Variants in NF2 observed in about 807,000 individuals in gnomAD.
The protein encoded by NF2 is merlin.
Under a neutral mutation model 83.7 loss-of-function variants are expected in NF2, and 8 were observed. The observed-to-expected ratio is 0.10, with a 90% CI of 0.06 to 0.17. The LOEUF is 0.17. NF2 is among the 10% of genes least tolerant of loss of function. NF2 has a pLI of 1.00. For missense variants in NF2, 533 were observed against 744.4 expected (o/e 0.72, Z 3.31); for synonymous variants, 266 against 269.6 (o/e 0.99, Z 0.13).
Position 29,668,418 on chromosome 22 carries a change from A to C in NF2, c.971A>C (p.Gln324Pro). The part of the protein sequence containing the change: ...DSLEVQQMKA[Q>P]AREEKARKQM... ...TTGGAAGTTCAGCAGATGAAAGCCC[A>C]GGCCAGGGAGGAGAAGGCTAGAAAG... is the stretch of plus-strand genomic sequence containing the variant. The change falls in exon 10 of 16, where the codon CAG (glutamine) becomes CCG (proline). Residue 324 changes from glutamine (Q) to proline (P), a missense_variant. Physicochemically the swap from Gln to Pro is moderately conservative, Grantham distance 76. Coordinates refer to ENST00000338641, the MANE Select transcript of NF2 (RefSeq NM_000268.4). The C allele has an allele frequency of 6.2e-7, 1 of 1,613,890 alleles. No homozygotes were observed.
In NF2 at chr22:29,674,878, A is replaced by C. The variant is rs2147092772; in HGVS notation, c.1383A>C (p.Ala461=). 1.3e-6 allele frequency: 2 copies of C among 1,572,300 alleles called. No homozygotes were observed. Among genetic ancestry groups the C allele is most frequent in the Non-Finnish European group, 1.7e-6 (2 of 1,157,934 alleles). The part of the protein sequence containing the change: ...ADQLKQDLQE[A]REAERRAKQK... The stretch of plus-strand genomic sequence containing the variant: ...AGCTGAAGCAGGACCTGCAGGAAGC[A>C]CGCGAGGCGGAGCGAAGAGCCAAGC... The change falls in exon 13 of 16, where the codon GCA becomes GCC. Residue 461 remains alanine (A), a synonymous_variant. Transcript: ENST00000338641.
At position 29,697,404 on chromosome 22, in the gene NF2, T is replaced by G. The variant is rs938746365; in HGVS notation, c.*2602T>G. On this transcript the variant is annotated 3_prime_UTR_variant, in exon 16 of 16. Coordinates refer to ENST00000338641, the MANE Select transcript of NF2 (RefSeq NM_000268.4). ...AGGACCTTGCTCAGCCAGGAGCACT[T>G]CCCCCTCCTTGAGGCAGGAATACTG... The G allele has an allele frequency of 2.6e-5, 5 of 191,848 alleles. No individual in the cohort carries two copies. Among genetic ancestry groups the G allele is most frequent in the African/African-American group, 1.2e-4 (5 of 42,900 alleles). 11.9% of individuals were successfully genotyped at this position (191,848 alleles called of 1,614,324 possible).
chr22:29,644,286 C>T (rs1260572689), intron 4 of NF2, among the ~76,000 whole-genome samples: 47 of 133,018 alleles, frequency 3.5e-4, no homozygotes, highest in East Asian at 2.3e-3. Flanking sequence ...CCAGACGGGG[C>T]GGCGGGGCAG....
chr22:29,621,431 A>G (rs1047909279), intron 1 of NF2, among the ~76,000 whole-genome samples: 1 of 152,214 alleles, frequency 6.6e-6, no homozygotes, highest in Admixed American at 6.5e-5. Context: ...CTAACACAAG[A>G]TAAGTGCTAT....
rs577224418 is a variant in NF2 at position 29,644,073 on chromosome 22, C to G, written c.447+1788C>G. Among the ~76,000 whole-genome samples the G allele has an allele frequency of 1.3e-5, 2 of 151,910 alleles. 1 individual carries two copies. The highest frequency in any genetic ancestry group is 2.9e-5 in the Non-Finnish European group (2 of 67,968). On this transcript the variant is annotated intron_variant, in intron 4 of 15. Coordinates refer to ENST00000338641, the MANE Select transcript of NF2 (RefSeq NM_000268.4). ...GTGGCTGCCGGGCGGAGACGCTCCT[C>G]ACTTCCCAGACGGGGTGGCTGCCGG...
At chr22:29,640,656 C>G (rs2065782346) in intron 3 of NF2, among the ~76,000 whole-genome samples, 1 of 152,128 alleles carries the variant, frequency 6.6e-6, no homozygotes, top group South Asian at 2.1e-4. Flanking sequence ...GTTGGGTAGT[C>G]TGTCACATAG....
intron 15 of NF2, among the ~76,000 whole-genome samples, chr22:29,690,556 G>C (rs1169223367): frequency 6.6e-6 from 1 of 152,184 alleles, no homozygotes; most frequent in Non-Finnish European, 1.5e-5. Context: ...TGGATCAGAG[G>C]GGGGATGTGA....
intron 15 of NF2, chr22:29,683,760 A>G: frequency 9.4e-7 from 1 of 1,064,466 alleles, no homozygotes; most frequent in Non-Finnish European, 1.1e-6. Flanking sequence ...GGAACAGTAC[A>G]CTCACGGCAC....
At chr22:29,653,813 A>G (rs1010942688) in intron 4 of NF2, among the ~76,000 whole-genome samples, 1 of 152,232 alleles carries the variant, frequency 6.6e-6, no homozygotes, top group Non-Finnish European at 1.5e-5. Context: ...ATGTTTATAG[A>G]TTATACTGAA....
intron 15 of NF2, among the ~76,000 whole-genome samples, chr22:29,687,491 T>C (rs536181960): frequency 6.6e-6 from 1 of 150,884 alleles, no homozygotes; most frequent in East Asian, 2.0e-4. Flanking sequence ...CAGAGAGAGA[T>C]TGCATATGCG....
Position 29,632,603 on chromosome 22 carries a change from G to A in NF2, c.115-4148G>A, listed in dbSNP as rs549482256. Among the ~76,000 whole-genome samples the A allele has an allele frequency of 1.9e-4, 29 of 152,304 alleles. No homozygotes were observed. In the South Asian group the frequency reaches 5.2e-3, roughly 27 times the overall value. ...CCCATTTGTCCCCTGCACCTTGGGC[G>A]GTGCTTGGACACAATGTGTGTGTTC... On this transcript the variant is annotated intron_variant, in intron 1 of 15. Transcript: ENST00000338641.
rs2065560851 is a variant in NF2 at position 29,633,211 on chromosome 22, T to G, written c.115-3540T>G. Reference sequence around the variant, plus strand: ...TTATTTTATAAGTGGAATTAGGGCTTTAAATCAAATATGTTTGAACGTCTT... The same window carrying G: ...TTATTTTATAAGTGGAATTAGGGCTGTAAATCAAATATGTTTGAACGTCTT... On this transcript the variant is annotated intron_variant, in intron 1 of 15. Transcript: ENST00000338641. 2.6e-5 allele frequency among the ~76,000 whole-genome samples: 4 copies of G among 152,328 alleles called. No homozygotes were observed. The South Asian group carries it at 8.3e-4, about 32-fold the overall frequency.
At chr22:29,680,040 G>T (rs952668385) in intron 14 of NF2, among the ~76,000 whole-genome samples, 2 of 151,720 alleles carry the variant, frequency 1.3e-5, no homozygotes, top group African/African-American at 4.8e-5. Context: ...TCTCTCTGGA[G>T]TCTCTTTTAT....
chr22:29,676,520 A>G (rs959886503), intron 13 of NF2, among the ~76,000 whole-genome samples: 2 of 152,126 alleles, frequency 1.3e-5, no homozygotes, highest in Non-Finnish European at 2.9e-5. Context: ...AAGCTTATAC[A>G]CTGCTGTAAC....
At chr22:29,653,780 A>G (rs1306000239) in intron 4 of NF2, among the ~76,000 whole-genome samples, 1 of 152,170 alleles carries the variant, frequency 6.6e-6, no homozygotes, top group Non-Finnish European at 1.5e-5. Flanking sequence ...TTGTTTTTTC[A>G]CTGTTGGTGG....
chr22:29,681,154 G>T (rs916465709), intron 14 of NF2, among the ~76,000 whole-genome samples: 11 of 151,734 alleles, frequency 7.2e-5, no homozygotes, highest in Non-Finnish European at 1.2e-4. Flanking sequence ...GCCACCCAAA[G>T]TACTGGGATT....
chr22:29,677,979 G>GAGGGATGC (rs1284778971), intron 13 of NF2, among the ~76,000 whole-genome samples: 4 of 152,188 alleles, frequency 2.6e-5, no homozygotes, highest in South Asian at 2.1e-4. Flanking sequence ...TTTGAGGGAT[G>GAGGGATGC]ATTTTCCTGG....
intron 1 of NF2, 41 bp downstream of exon 1, chr22:29,604,153 G>T (rs1451824950): frequency 1.3e-6 from 2 of 1,496,850 alleles, no homozygotes; most frequent in East Asian, 4.7e-5. Flanking sequence ...TGACAGTCGA[G>T]GTGGAAGCTC....
intron 15 of NF2, among the ~76,000 whole-genome samples, chr22:29,688,541 A>C (rs2067322560): frequency 6.6e-6 from 1 of 152,220 alleles, no homozygotes; most frequent in South Asian, 2.1e-4. Context: ...AGTGAGGTGA[A>C]TCAGGCCCAT....
Sources: gnomAD v4.1 joint callset for allele counts (sites outside exome capture counted in the v4.1 genomes callset) on GRCh38, gnomAD v4.1.1 for gene constraint, MANE v1.5 for transcripts, NCBI Gene and HGNC (gene_info 2026-07-23, HGNC 2026-07-21) for gene names.